Variants in CYP2W1 observed in about 807,000 individuals in gnomAD.
The protein encoded by CYP2W1 is cytochrome P450 family 2 subfamily W member 1.
Under a neutral mutation model 44.9 loss-of-function variants are expected in CYP2W1, and 51 were observed. That is an observed-to-expected ratio of 1.14 (90% CI 0.91 to 1.43). The LOEUF (loss-of-function observed/expected upper bound fraction) is 1.43. CYP2W1 is among the 40% of genes most tolerant of loss of function. The probability of loss-of-function intolerance (pLI) is 0.00; values close to 1 mark genes in which losing one functional copy is unlikely to be tolerated. For synonymous variants in CYP2W1, 383 were observed against 338.3 expected, an observed-to-expected ratio of 1.13 and a Z score of -1.45; for missense variants, 746 against 700.0, an observed-to-expected ratio of 1.07 and a Z score of -0.74.
Position 988,303 on chromosome 7 carries a change from C to T in CYP2W1, c.1170C>T (p.Thr390=). ...GCACGCCCGTGATTCCCCTGCTGAC[C>T]TCGGTGCTCCTGGATGAGACACAGT... ...PKGTPVIPLL[T]SVLLDETQWQ... The change falls in exon 8 of 9, where the codon ACC becomes ACT. Residue 390 remains threonine (T), a synonymous_variant. Transcript: ENST00000308919. The T allele has an allele frequency of 6.2e-7, 1 of 1,604,362 alleles. No individual in the cohort carries two copies. Among genetic ancestry groups the T allele is most frequent in the Non-Finnish European group, 8.5e-7 (1 of 1,173,566 alleles).
rs574569786 is a variant in CYP2W1 at position 987,096 on chromosome 7, C to T, written c.820-11C>T. On this transcript the variant is annotated splice_polypyrimidine_tract_variant and intron_variant, in intron 5 of 8. Coordinates refer to ENST00000308919, the MANE Select transcript of CYP2W1 (RefSeq NM_017781.3). ...AGATCATCCCACGAGCCCTGCCCCA[C>T]GCCTCTGCAGGGGGATGACCCCGAG... is the stretch of plus-strand genomic sequence containing the variant. The T allele has an allele frequency of 4.4e-5, 67 of 1,520,954 alleles. No homozygotes were observed. The highest frequency in any genetic ancestry group is 5.5e-5 in the African/African-American group (4 of 72,450). 94.2% of individuals were successfully genotyped at this position (1,520,954 alleles called of 1,614,324 possible).
chr7:989,095 A>T lies in CYP2W1; in HGVS notation c.*273A>T, dbSNP rs1848625566. Reference sequence around the variant, plus strand: ...CCTCCAGGGCCCCGCCCACTCTCCCACCCCTGAAGCTGCACTCCCACCCAC... The same window carrying T: ...CCTCCAGGGCCCCGCCCACTCTCCCTCCCCTGAAGCTGCACTCCCACCCAC... On this transcript the variant is annotated 3_prime_UTR_variant, in exon 9 of 9. Transcript: ENST00000308919. 2 of 408,970 alleles carry T rather than the reference A, an allele frequency of 4.9e-6. No individual in the cohort carries two copies. The highest frequency in any genetic ancestry group is 7.9e-5 in the South Asian group (1 of 12,680). The allele number at this position is 408,970 out of a possible 1,614,324, so 25.3% of individuals were successfully genotyped here.
At position 987,401 on chromosome 7, in the gene CYP2W1, T is replaced by A; in HGVS notation, c.1013T>A (p.Leu338Gln). Reference protein sequence around the residue: ...RVLGPGRTPRLEDQQALPYTS... With the variant: ...RVLGPGRTPRQEDQQALPYTS... ...CTGGGCCCTGGGCGGACTCCCCGGC[T>A]GGAGGACCAGCAGGCTCTGCCCTAC... Residue 338 changes from leucine to glutamine, a missense_variant, in exon 7 of 9, where the codon CTG (leucine) becomes CAG (glutamine). By Grantham distance (113) the Leu-to-Gln change is moderately radical (BLOSUM62 -2). Coordinates refer to ENST00000308919, the MANE Select transcript of CYP2W1 (RefSeq NM_017781.3). 6.3e-7 allele frequency: 1 copy of A among 1,595,100 alleles called. No individual in the cohort carries two copies. Among genetic ancestry groups the A allele is most frequent in the East Asian group, 2.2e-5 (1 of 44,714 alleles).
In CYP2W1 at chr7:984,397, C is replaced by A; in HGVS notation, c.175-15C>A. On this transcript the variant is annotated splice_polypyrimidine_tract_variant and intron_variant, in intron 1 of 8. Coordinates refer to ENST00000308919, the MANE Select transcript of CYP2W1 (RefSeq NM_017781.3). ...GGGTGAGGGCTGCCCGGGTGACCCCCGCCATCCCTGCCAGCTCTCAGAACG... is the reference window on the plus strand; with the variant it reads ...GGGTGAGGGCTGCCCGGGTGACCCCAGCCATCCCTGCCAGCTCTCAGAACG... 1 of 1,545,038 alleles carries A rather than the reference C, an allele frequency of 6.5e-7. No individual in the cohort carries two copies.
intron 1 of CYP2W1, 39 bp downstream of exon 1, chr7:983,424 AGCTGCCGTGT>A: frequency 7.0e-7 from 1 of 1,424,588 alleles, no homozygotes; most frequent in Non-Finnish European, 9.2e-7. Flanking sequence ...CCGCTTGGAC[AGCTGCCGTGT>A]CCTGGCCCCC....
Position 988,923 on chromosome 7 carries a change from G to A in CYP2W1, c.*101G>A, listed in dbSNP as rs577224197. ...CCCACAGCTCGGACTGCTCTGGGAG[G>A]GCCCTGAGGACTCCCACCCTCACCC... On this transcript the variant is annotated 3_prime_UTR_variant, in exon 9 of 9. Coordinates refer to ENST00000308919, the MANE Select transcript of CYP2W1 (RefSeq NM_017781.3). The A allele has an allele frequency of 1.0e-4, 78 of 757,998 alleles. 1 individual carries two copies. In the African/African-American group the frequency reaches 1.3e-3, roughly 12 times the overall value. 47.0% of individuals were successfully genotyped at this position (757,998 alleles called of 1,614,324 possible). A position where few individuals can be genotyped will look rare whatever the true frequency, so the allele number is the denominator to read the frequency against.
chr7:989,236 C>A lies in CYP2W1; in HGVS notation c.*414C>A, dbSNP rs533230757. 1 of 197,222 alleles carries A rather than the reference C, an allele frequency of 5.1e-6. No homozygotes were observed. The highest frequency in any genetic ancestry group is 1.0e-5 in the Non-Finnish European group (1 of 96,878). The allele number at this position is 197,222 out of a possible 1,614,324, so 12.2% of individuals were successfully genotyped here. A position where few individuals can be genotyped will look rare whatever the true frequency, so the allele number is the denominator to read the frequency against. ...GTGTCCTCAGCGTGCGAGCCCTGCACCCCCCAGGTCCTGGGACTCCTGCAG... is the reference window on the plus strand; with the variant it reads ...GTGTCCTCAGCGTGCGAGCCCTGCAACCCCCAGGTCCTGGGACTCCTGCAG... On this transcript the variant is annotated 3_prime_UTR_variant, in exon 9 of 9. Transcript: ENST00000308919.
In CYP2W1 at chr7:987,401, T is replaced by G; in HGVS notation, c.1013T>G (p.Leu338Arg). The G allele has an allele frequency of 6.3e-7, 1 of 1,595,100 alleles. No individual in the cohort carries two copies. The highest frequency in any genetic ancestry group is 8.5e-7 in the Non-Finnish European group (1 of 1,177,946). Residue 338 changes from leucine to arginine, a missense_variant, in exon 7 of 9, where the codon CTG (leucine) becomes CGG (arginine). Leu to Arg is a moderately radical substitution (Grantham distance 102). Coordinates refer to ENST00000308919, the MANE Select transcript of CYP2W1 (RefSeq NM_017781.3). ...CTGGGCCCTGGGCGGACTCCCCGGC[T>G]GGAGGACCAGCAGGCTCTGCCCTAC... ...RVLGPGRTPR[L>R]EDQQALPYTS...
chr7:986,936 G>A, intron 5 of CYP2W1, 139 bp downstream of exon 5: 2 of 1,321,600 alleles, frequency 1.5e-6, no homozygotes, highest in Admixed American at 2.9e-5. Context: ...CAGAGCCTCA[G>A]TCTCCTTGTC....
chr7:983,986 T>C (rs1205085120), intron 1 of CYP2W1, among the ~76,000 whole-genome samples: 1 of 152,052 alleles, frequency 6.6e-6, no homozygotes, highest in Non-Finnish European at 1.5e-5. Flanking sequence ...TGCCCCCAAC[T>C]GCGGGCTGGG....
At chr7:985,947 C>T (rs1415753345) in intron 4 of CYP2W1, among the ~76,000 whole-genome samples, 1 of 152,120 alleles carries the variant, frequency 6.6e-6, no homozygotes, top group Non-Finnish European at 1.5e-5. Context: ...GAGCAGGGGG[C>T]ACAGCTTCCA....
At chr7:986,528 T>C in intron 4 of CYP2W1, 96 bp from the exon 5 acceptor site, 1 of 1,438,138 alleles carries the variant, frequency 7.0e-7, no homozygotes, top group Non-Finnish European at 9.6e-7. Context: ...CCAGAGTCCC[T>C]GGGCGTGAAC....
rs751702883 is a variant in CYP2W1, at chr7:983,269, G to A, written c.58G>A (p.Ala20Thr). Residue 20 changes from alanine to threonine, a missense_variant, in exon 1 of 9, where the codon GCC becomes ACC. By Grantham distance (58) the Ala-to-Thr change is moderately conservative (BLOSUM62 0). Coordinates refer to ENST00000308919, the MANE Select transcript of CYP2W1 (RefSeq NM_017781.3). ...GLLGLWGLLCACAQDPSPAAR... is the reference protein window; with the variant it reads ...GLLGLWGLLCTCAQDPSPAAR... ...CCTGGGGCTCTGGGGGCTGCTCTGC[G>A]CCTGCGCCCAAGACCCCTCCCCAGC... 1.4e-5 allele frequency: 21 copies of A among 1,543,284 alleles called. No homozygotes were observed. In the East Asian group the frequency reaches 3.2e-4, roughly 23 times the overall value.
At chr7:986,978 G>C (rs542593170) in intron 5 of CYP2W1, 129 bp from the exon 6 acceptor site, 1 of 1,356,756 alleles carries the variant, frequency 7.4e-7, no homozygotes, top group South Asian at 1.5e-5. Flanking sequence ...TGCCTGCCTC[G>C]GGGACGCTGA....
chr7:984,526 G>A lies in CYP2W1; in HGVS notation c.289G>A (p.Ala97Thr), dbSNP rs957420485. The change falls in exon 2 of 9, where the codon GCC becomes ACC. Residue 97 changes from alanine to threonine, a missense_variant. Physicochemically the swap from Ala to Thr is moderately conservative, Grantham distance 58. Coordinates refer to ENST00000308919, the MANE Select transcript of CYP2W1 (RefSeq NM_017781.3). ...EALAGPGQELADRPPIAIFQL... is the reference protein window; with the variant it reads ...EALAGPGQELTDRPPIAIFQL... Reference sequence around the variant, plus strand: ...GCTGGCGGGCCCCGGGCAGGAGCTGGCCGACCGGCCTCCCATCGCCATCTT... The same window carrying A: ...GCTGGCGGGCCCCGGGCAGGAGCTGACCGACCGGCCTCCCATCGCCATCTT... The A allele has an allele frequency of 6.4e-7, 1 of 1,553,496 alleles. No individual in the cohort carries two copies. The highest frequency in any genetic ancestry group is 1.4e-5 in the African/African-American group (1 of 73,492).
chr7:983,446 T>A, intron 1 of CYP2W1, 61 bp downstream of exon 1: 2 of 1,357,432 alleles, frequency 1.5e-6, no homozygotes, highest in South Asian at 3.4e-5. Flanking sequence ...CTGGCCCCCC[T>A]CCTGGGGAAG....
intron 4 of CYP2W1, 124 bp from the exon 5 acceptor site, chr7:986,500 C>A (rs960689862): frequency 1.7e-6 from 2 of 1,152,720 alleles, no homozygotes; most frequent in East Asian, 4.9e-5. Flanking sequence ...GTTCTGTGGC[C>A]GCCTCCAGCA....
At chr7:983,615 G>A (rs1200059283) in intron 1 of CYP2W1, among the ~76,000 whole-genome samples, 1 of 152,218 alleles carries the variant, frequency 6.6e-6, no homozygotes, top group African/African-American at 2.4e-5. Context: ...GTGCCACCCA[G>A]GGCCCGGCGC....
Position 988,937 on chromosome 7 carries a change from C to CCACCCT in CYP2W1, c.*121_*126dup, listed in dbSNP as rs1191308339. 1.5e-6 allele frequency: 1 copy of CCACCCT among 658,738 alleles called. No homozygotes were observed. Among genetic ancestry groups the CCACCCT allele is most frequent in the Non-Finnish European group, 2.6e-6 (1 of 392,148 alleles). 40.8% of individuals were successfully genotyped at this position (658,738 alleles called of 1,614,324 possible). On this transcript the variant is annotated 3_prime_UTR_variant, in exon 9 of 9. Coordinates refer to ENST00000308919, the MANE Select transcript of CYP2W1 (RefSeq NM_017781.3). ...TGCTCTGGGAGGGCCCTGAGGACTC[C>CCACCCT]CACCCTCACCCCCACCCCCACAGGG...
Sources: gnomAD v4.1 joint callset for allele counts (sites outside exome capture counted in the v4.1 genomes callset) on GRCh38, gnomAD v4.1.1 for gene constraint, MANE v1.5 for transcripts, NCBI Gene and HGNC (gene_info 2026-07-23, HGNC 2026-07-21) for gene names.